Variants in XPR1 observed in about 807,000 individuals in gnomAD.
XPR1 encodes xenotropic and polytropic retrovirus receptor 1.
A neutral mutation model predicts 87.5 loss-of-function variants in XPR1; 28 were observed. The observed-to-expected ratio is 0.32, with a 90% CI of 0.24 to 0.44. The LOEUF is 0.44. Among genes scored for constraint, XPR1 ranks in the 20% least tolerant of loss-of-function variants. XPR1 has a pLI of 1.00. For missense variants in XPR1, 559 were observed against 862.3 expected (o/e 0.65, Z 4.41); for synonymous variants, 300 against 306.1 (o/e 0.98, Z 0.21).
chr1:180,770,127 G>T (rs1403642654), intron 2 of XPR1, among the ~76,000 whole-genome samples: 1 of 152,158 alleles, frequency 6.6e-6, no homozygotes, highest in African/African-American at 2.4e-5. Context: ...TTTTGCTTCA[G>T]TGCTCAGCTA....
In XPR1 at chr1:180,819,208, C is replaced by A. The variant is rs576138085; in HGVS notation, c.764-5545C>A. 5.9e-5 allele frequency among the ~76,000 whole-genome samples: 9 copies of A among 152,288 alleles called. No homozygotes were observed. In the East Asian group the frequency reaches 1.2e-3, roughly 20 times the overall value. ...GCCTCCAGTGATCCTCCCACTTTGG[C>A]CTCCCAAAACACTGGGATTACAGGA... On this transcript the variant is annotated intron_variant, in intron 7 of 14. Transcript: ENST00000367590.
chr1:180,849,113 T>A (rs192845420), intron 11 of XPR1, among the ~76,000 whole-genome samples: 179 of 152,230 alleles, frequency 1.2e-3, no homozygotes, highest in South Asian at 4.2e-3. Flanking sequence ...GTAAAAAAAA[T>A]TTTTAAGTTG....
intron 1 of XPR1, among the ~76,000 whole-genome samples, chr1:180,669,775 T>C (rs1656098029): frequency 6.6e-6 from 1 of 152,150 alleles, no homozygotes; most frequent in Admixed American, 6.5e-5. Flanking sequence ...CCCATACATA[T>C]ATATGTATGA....
At chr1:180,874,293 G>T (rs952072803) in intron 13 of XPR1, among the ~76,000 whole-genome samples, 21 of 152,166 alleles carry the variant, frequency 1.4e-4, no homozygotes, top group Admixed American at 3.3e-4. Flanking sequence ...AAATTGGGAG[G>T]TAAAATGGCT....
intron 9 of XPR1, among the ~76,000 whole-genome samples, chr1:180,829,066 C>G (rs186475772): frequency 6.6e-6 from 1 of 151,962 alleles, no homozygotes; most frequent in African/African-American, 2.4e-5. Context: ...CATGGTGGCA[C>G]GCATCTGTAG....
intron 2 of XPR1, among the ~76,000 whole-genome samples, chr1:180,758,330 C>A (rs931436479): frequency 6.6e-6 from 1 of 151,854 alleles, no homozygotes; most frequent in South Asian, 2.1e-4. Context: ...TTGTGGTTAC[C>A]AGAGACGGGG....
At chr1:180,672,337 C>T (rs993931122) in intron 1 of XPR1, among the ~76,000 whole-genome samples, 1 of 152,084 alleles carries the variant, frequency 6.6e-6, no homozygotes, top group Non-Finnish European at 1.5e-5. Flanking sequence ...ATACTCTAGG[C>T]TTTAGCTTGT....
Position 180,701,478 on chromosome 1 carries a change from G to A in XPR1, c.121+19067G>A, listed in dbSNP as rs1474850436. On this transcript the variant is annotated intron_variant, in intron 2 of 14. Coordinates refer to ENST00000367590, the MANE Select transcript of XPR1 (RefSeq NM_004736.4). ...TTTCTGCATCTATTGAGATAATCAC[G>A]TGGTTTTTGTCTTTGGCTCTGTTTA... Among the ~76,000 whole-genome samples, 6 of 136,592 alleles carry A rather than the reference G, an allele frequency of 4.4e-5. 1 individual carries two copies. Among genetic ancestry groups the A allele is most frequent in the South Asian group, 2.2e-4 (1 of 4,464 alleles). The allele number at this position is 136,592 out of a possible 152,430, so 89.6% of individuals were successfully genotyped here.
intron 1 of XPR1, among the ~76,000 whole-genome samples, chr1:180,655,730 T>C (rs888648955): frequency 6.6e-6 from 1 of 152,112 alleles, no homozygotes; most frequent in Non-Finnish European, 1.5e-5. Flanking sequence ...AAGTCTTACA[T>C]TTAGGTCTTT....
intron 2 of XPR1, among the ~76,000 whole-genome samples, chr1:180,722,888 G>A (rs12073959): frequency 0.031 from 4,791 of 152,168 alleles, 174 homozygotes; most frequent in African/African-American, 0.086. Flanking sequence ...TAATATGAAT[G>A]CATTTCATTT....
chr1:180,656,145 C>T (rs1229033235), intron 1 of XPR1, among the ~76,000 whole-genome samples: 1 of 150,334 alleles, frequency 6.7e-6, no homozygotes, highest in East Asian at 2.0e-4. Flanking sequence ...TCTGTATTTC[C>T]ATGAGTTCAA....
Position 180,873,957 on chromosome 1 carries a change from G to T in XPR1, c.1808+15G>T. The stretch of plus-strand genomic sequence containing the variant: ...GAGGTTTTCCGGTAAGCAAACTACT[G>T]AAAAGTTTATTAAAGATTCTTTTTA... On this transcript the variant is annotated intron_variant, in intron 13 of 14. Transcript: ENST00000367590. 6.2e-7 allele frequency: 1 copy of T among 1,606,196 alleles called. No individual in the cohort carries two copies. Among genetic ancestry groups the T allele is most frequent in the Non-Finnish European group, 8.5e-7 (1 of 1,176,718 alleles).
intron 2 of XPR1, among the ~76,000 whole-genome samples, chr1:180,710,282 T>G (rs1001829295): frequency 6.6e-6 from 1 of 151,444 alleles, no homozygotes; most frequent in East Asian, 1.9e-4. Context: ...GACAATAGTG[T>G]AGGGAAGGTC....
intron 2 of XPR1, among the ~76,000 whole-genome samples, chr1:180,695,408 T>TTG (rs1205037869): frequency 0.044 from 6,543 of 148,390 alleles, 248 homozygotes; most frequent in African/African-American, 0.098. Context: ...GTAGTCCCAT[T>TTG]TGTGTGTGTG....
At chr1:180,727,827 A>G (rs1353322487) in intron 2 of XPR1, among the ~76,000 whole-genome samples, 1 of 152,186 alleles carries the variant, frequency 6.6e-6, no homozygotes, top group Non-Finnish European at 1.5e-5. Context: ...AGATAAGGTA[A>G]CTTCTTGATG....
At chr1:180,681,720 T>TGTG (rs957017253) in intron 1 of XPR1, among the ~76,000 whole-genome samples, 1 of 152,136 alleles carries the variant, frequency 6.6e-6, no homozygotes, top group African/African-American at 2.4e-5. Context: ...CAGGCTGGGG[T>TGTG]GTGGTAGCAC....
chr1:180,854,751 A>T (rs1207703988), intron 11 of XPR1, among the ~76,000 whole-genome samples: 1 of 152,222 alleles, frequency 6.6e-6, no homozygotes, highest in Non-Finnish European at 1.5e-5. Flanking sequence ...TTGGCGGCTG[A>T]TAATGAGATA....
At chr1:180,692,679 G>A (rs1320937566) in intron 2 of XPR1, among the ~76,000 whole-genome samples, 2 of 152,072 alleles carry the variant, frequency 1.3e-5, no homozygotes, top group East Asian at 3.8e-4. Flanking sequence ...GAGGCAAGGT[G>A]TACTTCTGAA....
At chr1:180,726,787 T>A (rs1658367137) in intron 2 of XPR1, among the ~76,000 whole-genome samples, 1 of 152,196 alleles carries the variant, frequency 6.6e-6, no homozygotes. Context: ...GAATACTTAT[T>A]TTTGTAAAAT....
Sources: allele counts gnomAD v4.1 joint callset (sites outside exome capture counted in the v4.1 genomes callset), GRCh38; gene constraint gnomAD v4.1.1; transcripts MANE v1.5; gene names NCBI Gene and HGNC (gene_info 2026-07-23, HGNC 2026-07-21).